The following CTCF variants were observed in gnomAD, a reference collection of about 807,000 sequenced individuals.
CTCF encodes CCCTC-binding factor.
Under a neutral mutation model 72.3 loss-of-function variants are expected in CTCF, and 7 were observed. The observed-to-expected ratio is 0.10, with a 90% CI of 0.06 to 0.18. The LOEUF is 0.18. Among genes scored for constraint, CTCF ranks in the 10% least tolerant of loss-of-function variants. CTCF has a pLI of 1.00. For missense variants in CTCF, 516 were observed against 949.1 expected (o/e 0.54, Z 6.00); for synonymous variants, 374 against 315.8 (o/e 1.18, Z -1.95).
chr16:67,630,382 A>G (rs1170699631), intron 10 of CTCF, among the ~76,000 whole-genome samples: 1 of 151,934 alleles, frequency 6.6e-6, no homozygotes, highest in Admixed American at 6.6e-5. Context: ...AATCTTGCCT[A>G]TTTTCCTACC....
At chr16:67,633,218 G>A (rs914155174) in intron 10 of CTCF, among the ~76,000 whole-genome samples, 2 of 152,044 alleles carry the variant, frequency 1.3e-5, no homozygotes, top group Non-Finnish European at 2.9e-5. Context: ...TATAGGTTAC[G>A]GAGCAGGATT....
At chr16:67,569,634 T>C (rs2051386261) in intron 1 of CTCF, among the ~76,000 whole-genome samples, 1 of 152,220 alleles carries the variant, frequency 6.6e-6, no homozygotes, top group African/African-American at 2.4e-5. Flanking sequence ...ACTGTTTCAT[T>C]GCTATGCTTC....
At chr16:67,611,818 C>A in intron 3 of CTCF, 133 bp from the exon 4 acceptor site, 1 of 936,316 alleles carries the variant, frequency 1.1e-6, no homozygotes, top group Non-Finnish European at 1.6e-6. Context: ...GTATTAGTGA[C>A]ATGAGATAAT....
chr16:67,588,337 A>T (rs2051695747), intron 2 of CTCF, among the ~76,000 whole-genome samples: 1 of 152,234 alleles, frequency 6.6e-6, no homozygotes, highest in Non-Finnish European at 1.5e-5. Context: ...ATAGATTCTC[A>T]GTCTTTCTCC....
intron 2 of CTCF, among the ~76,000 whole-genome samples, chr16:67,601,717 GT>G (rs941974588): frequency 6.6e-6 from 1 of 151,624 alleles, no homozygotes; most frequent in African/African-American, 2.4e-5. Flanking sequence ...TATGCCATGT[GT>G]TTTTTTTCAG....
At chr16:67,635,907 T>A (rs1266461767) in intron 10 of CTCF, among the ~76,000 whole-genome samples, 1 of 152,148 alleles carries the variant, frequency 6.6e-6, no homozygotes, top group Non-Finnish European at 1.5e-5. Flanking sequence ...ATTACAAGTG[T>A]GAACCACCGT....
In CTCF at chr16:67,612,977, C is replaced by T. The variant is rs138860811; in HGVS notation, c.952+856C>T. Among the ~76,000 whole-genome samples, 450 of 152,296 alleles carry T rather than the reference C, an allele frequency of 3.0e-3. 4 individuals are homozygous for T. The highest frequency in any genetic ancestry group is 0.015 in the South Asian group (73 of 4,818). ...ACATTTTTTGTTTCTGGTTGTTTCA[C>T]GTCAAGGAAGATAATTCATAATTTC... On this transcript the variant is annotated intron_variant, in intron 4 of 11. Coordinates refer to ENST00000264010, the MANE Select transcript of CTCF (RefSeq NM_006565.4).
intron 11 of CTCF, among the ~76,000 whole-genome samples, chr16:67,637,081 A>G (rs2052441075): frequency 6.6e-6 from 1 of 152,214 alleles, no homozygotes; most frequent in Non-Finnish European, 1.5e-5. Context: ...GTAGAAGGGT[A>G]CTTGTGTTCT....
intron 2 of CTCF, among the ~76,000 whole-genome samples, chr16:67,609,714 C>G (rs1242389243): frequency 1.3e-5 from 2 of 151,730 alleles, no homozygotes; most frequent in Non-Finnish European, 2.9e-5. Context: ...AGCTCCGCCT[C>G]CCAGGTTCAC....
intron 2 of CTCF, among the ~76,000 whole-genome samples, chr16:67,583,686 CAA>C (rs747603061): frequency 8.1e-6 from 1 of 124,024 alleles, no homozygotes; most frequent in African/African-American, 3.0e-5. Flanking sequence ...GTTTTGGTCT[CAA>C]AAAAAAAAAA....
intron 7 of CTCF, 148 bp downstream of exon 7, chr16:67,621,739 G>T (rs2142850108): frequency 2.4e-6 from 1 of 425,218 alleles, no homozygotes; most frequent in Non-Finnish European, 4.0e-6. Context: ...AAAAGCCATT[G>T]CTTAGCTGCT....
intron 5 of CTCF, 146 bp downstream of exon 5, chr16:67,617,024 C>T: frequency 1.2e-6 from 1 of 803,294 alleles, no homozygotes. Context: ...CACCGCTCCC[C>T]CAAAAAACTT....
At chr16:67,633,410 GT>G (rs1195221280) in intron 10 of CTCF, among the ~76,000 whole-genome samples, 1 of 152,096 alleles carries the variant, frequency 6.6e-6, no homozygotes, top group Non-Finnish European at 1.5e-5. Flanking sequence ...TTATACAATA[GT>G]TTCCTCACTT....
At chr16:67,604,745 GTT>G (rs1008114398) in intron 2 of CTCF, among the ~76,000 whole-genome samples, 5 of 103,278 alleles carry the variant, frequency 4.8e-5, no homozygotes, top group African/African-American at 1.1e-4. Context: ...TTTTTTTTTT[GTT>G]TTTTGTTTTT....
chr16:67,626,936 G>C (rs2052295739), intron 8 of CTCF: 1 of 364,946 alleles, frequency 2.7e-6, no homozygotes, highest in Non-Finnish European at 4.9e-6. Flanking sequence ...TCCTTAAGCA[G>C]ACATCTTTCT....
At chr16:67,564,717 A>G (rs868183481) in intron 1 of CTCF, among the ~76,000 whole-genome samples, 22 of 152,218 alleles carry the variant, frequency 1.4e-4, no homozygotes, top group Middle Eastern at 3.2e-3. Context: ...AAAAATTAAA[A>G]TACAGCAGGT....
At chr16:67,604,532 A>G (rs1407795209) in intron 2 of CTCF, among the ~76,000 whole-genome samples, 3 of 151,898 alleles carry the variant, frequency 2.0e-5, no homozygotes, top group Admixed American at 1.3e-4. Context: ...TAGTAGAGAC[A>G]GGATTTCGCC....
chr16:67,637,393 G>A (rs554724474), intron 11 of CTCF, among the ~76,000 whole-genome samples: 1 of 152,248 alleles, frequency 6.6e-6, no homozygotes, highest in South Asian at 2.1e-4. Flanking sequence ...TTAGCCAGGC[G>A]TAGGGGTGGG....
intron 5 of CTCF, among the ~76,000 whole-genome samples, chr16:67,620,066 A>C (rs76527065): frequency 2.2e-4 from 34 of 152,374 alleles, no homozygotes; most frequent in Non-Finnish European, 4.0e-4. Context: ...ACTCAGTAAC[A>C]CAGGATTTGG....
Sources: gnomAD v4.1 joint callset for allele counts (sites outside exome capture counted in the v4.1 genomes callset) on GRCh38, gnomAD v4.1.1 for gene constraint, MANE v1.5 for transcripts, NCBI Gene and HGNC (gene_info 2026-07-23, HGNC 2026-07-21) for gene names.